The following NDUFA5 variants were observed in gnomAD, a reference collection of about 807,000 sequenced individuals.
The protein encoded by NDUFA5 is NADH:ubiquinone oxidoreductase subunit A5.
A neutral mutation model predicts 19.8 loss-of-function variants in NDUFA5; 11 were observed. The observed-to-expected ratio is 0.56, with a 90% confidence interval of 0.35 to 0.92. The LOEUF is 0.92. NDUFA5 is among the 40% of genes least tolerant of loss of function. NDUFA5 has a pLI of 0.01. For synonymous variants in NDUFA5, 47 were observed against 46.8 expected, an observed-to-expected ratio of 1.00 and a Z score of -0.01; for missense variants, 109 against 134.2, an observed-to-expected ratio of 0.81 and a Z score of 0.93.
At chr7:123,550,378 G>C (rs1222709428) in intron 3 of NDUFA5, 92 bp downstream of exon 3, 2 of 746,434 alleles carry the variant, frequency 2.7e-6, no homozygotes, top group Non-Finnish European at 4.7e-6. Context: ...AAGGAGAATA[G>C]AAGAAAAGTG....
At chr7:123,546,596 G>A (rs1584690477) in intron 3 of NDUFA5, 27 of 1,098,460 alleles carry the variant, frequency 2.5e-5, no homozygotes, top group Non-Finnish European at 3.2e-5. Flanking sequence ...TGTAAATAAG[G>A]CTTTGTCTTT....
At chr7:123,595,159 T>C in the NDUFA5 span, among the ~76,000 whole-genome samples, 1 of 152,212 alleles carries the variant, frequency 6.6e-6, no homozygotes, top group Non-Finnish European at 1.5e-5. Flanking sequence ...ACACTTGCCC[T>C]AAATGACACT....
the NDUFA5 span, among the ~76,000 whole-genome samples, chr7:123,568,445 G>A: frequency 2.0e-5 from 3 of 151,978 alleles, no homozygotes; most frequent in Admixed American, 6.6e-5. Flanking sequence ...GCTTGAACCC[G>A]GGAGGGTGGA....
chr7:123,567,587 A>T, the NDUFA5 span, among the ~76,000 whole-genome samples: 1 of 152,182 alleles, frequency 6.6e-6, no homozygotes, highest in South Asian at 2.1e-4. Context: ...GTTAGCCTGG[A>T]ATCTAGGATT....
rs1225685383 is a variant in NDUFA5, at chr7:123,540,049, A to G, written c.*2070T>C. 6.6e-6 allele frequency: 1 copy of G among 152,192 alleles called. No individual in the cohort carries two copies. Among genetic ancestry groups the G allele is most frequent in the Non-Finnish European group, 1.5e-5 (1 of 68,034 alleles). 9.4% of individuals were successfully genotyped at this position (152,192 alleles called of 1,614,324 possible). ...GTGACCTTGGATTTGTTATTAAATC[A>G]TCTCTTGGTTTCAGTGTCCCCAAGG... is the stretch of plus-strand genomic sequence containing the variant. On this transcript the variant is annotated 3_prime_UTR_variant, in exon 5 of 5. Transcript: ENST00000355749.
At chr7:123,546,624 C>A (rs1798142490) in intron 3 of NDUFA5, 3 of 1,234,074 alleles carry the variant, frequency 2.4e-6, no homozygotes, top group African/African-American at 1.6e-5. Context: ...GTTTTTCTGG[C>A]CAATAAATGG....
In NDUFA5 at chr7:123,557,773, ACCTTCTTCAGCACAC is replaced by A. The variant is rs1798618964; in HGVS notation, c.8_21+1del. Reference sequence around the variant, plus strand: ...TCCAACAGTGACCTCCATTCGTCTCACCTTCTTCAGCACACCCGCCATGACAGCGCCAACGACTCG... The same window carrying A: ...TCCAACAGTGACCTCCATTCGTCTCACCGCCATGACAGCGCCAACGACTCG... On this transcript the variant is annotated splice_donor_variant and coding_sequence_variant, in exon 1 of 5. Transcript: ENST00000355749. LOFTEE classifies it high-confidence loss of function. The A allele has an allele frequency of 6.2e-7, 1 of 1,611,980 alleles. No homozygotes were observed.
chr7:123,601,273 C>T, the NDUFA5 span, among the ~76,000 whole-genome samples: 1 of 152,132 alleles, frequency 6.6e-6, no homozygotes, highest in Non-Finnish European at 1.5e-5. Context: ...ATTTGCTACT[C>T]ATTTTTTTAG....
intron 1 of NDUFA5, 101 bp downstream of exon 1, chr7:123,557,674 G>T: frequency 6.2e-7 from 1 of 1,613,908 alleles, no homozygotes; most frequent in Non-Finnish European, 8.5e-7. Context: ...AAGCACCGCC[G>T]AGCCCGCGAC....
intron 3 of NDUFA5, 31 bp from the exon 4 acceptor site, chr7:123,545,707 A>C: frequency 6.8e-7 from 1 of 1,461,510 alleles, no homozygotes; most frequent in Non-Finnish European, 9.5e-7. Context: ...AAAATTAAAG[A>C]AGCATACTAA....
At chr7:123,548,872 C>A (rs1486114028) in intron 3 of NDUFA5, among the ~76,000 whole-genome samples, 1 of 151,998 alleles carries the variant, frequency 6.6e-6, no homozygotes, top group African/African-American at 2.4e-5. Flanking sequence ...ACAGTTGGCC[C>A]TCAGGATCTG....
upstream of NDUFA5, among the ~76,000 whole-genome samples, chr7:123,560,519 G>A (rs749960033): frequency 6.6e-6 from 1 of 152,216 alleles, no homozygotes; most frequent in East Asian, 1.9e-4. Context: ...AGCTCAGGCT[G>A]CCATAACAAA....
At chr7:123,588,307 A>T in the NDUFA5 span, among the ~76,000 whole-genome samples, 1 of 151,600 alleles carries the variant, frequency 6.6e-6, no homozygotes, top group Non-Finnish European at 1.5e-5. Flanking sequence ...TATACAGTTT[A>T]TTAGTGCTTA....
the NDUFA5 span, among the ~76,000 whole-genome samples, chr7:123,596,020 A>G: frequency 7.5e-3 from 1,140 of 152,320 alleles, 17 homozygotes; most frequent in African/African-American, 0.026. Context: ...GCCATAACTA[A>G]GCCAAATATG....
At chr7:123,550,771 C>T (rs1387177382) in intron 2 of NDUFA5, among the ~76,000 whole-genome samples, 185 bp from the exon 3 acceptor site, 1 of 150,000 alleles carries the variant, frequency 6.7e-6, no homozygotes, top group Non-Finnish European at 1.5e-5. Context: ...CCCTTTATAA[C>T]TTAGGAAAAA....
the NDUFA5 span, among the ~76,000 whole-genome samples, chr7:123,584,433 C>G: frequency 6.6e-6 from 1 of 151,788 alleles, no homozygotes. Flanking sequence ...CCAGGTGATT[C>G]CAATGCAAGT....
chr7:123,545,526 G>A, intron 4 of NDUFA5, 85 bp downstream of exon 4: 1 of 1,074,336 alleles, frequency 9.3e-7, no homozygotes, highest in Non-Finnish European at 1.4e-6. Flanking sequence ...ATATAAACAA[G>A]GAAATTTAGT....
chr7:123,538,316 A>G lies in NDUFA5; in HGVS notation c.*3803T>C, dbSNP rs946571247. ...ATGCTAAGTCACTACATGACTCACTATTTTACTTCACGATCTAGAATACTG... is the reference window on the plus strand; with the variant it reads ...ATGCTAAGTCACTACATGACTCACTGTTTTACTTCACGATCTAGAATACTG... On this transcript the variant is annotated 3_prime_UTR_variant, in exon 5 of 5. Coordinates refer to ENST00000355749, the MANE Select transcript of NDUFA5 (RefSeq NM_005000.5). 3 of 152,106 alleles carry G rather than the reference A, an allele frequency of 2.0e-5. No individual in the cohort carries two copies. Among genetic ancestry groups the G allele is most frequent in the African/African-American group, 7.2e-5 (3 of 41,408 alleles). The allele number at this position is 152,106 out of a possible 1,614,324, so 9.4% of individuals were successfully genotyped here.
chr7:123,598,831 C>T, the NDUFA5 span: 1 of 152,102 alleles, frequency 6.6e-6, no homozygotes, highest in Non-Finnish European at 1.5e-5. Context: ...ACTAAATGAC[C>T]AGAGTAATGT....
Sources: allele counts gnomAD v4.1 joint callset (sites outside exome capture counted in the v4.1 genomes callset), GRCh38; gene constraint gnomAD v4.1.1; transcripts MANE v1.5; gene names NCBI Gene and HGNC (gene_info 2026-07-23, HGNC 2026-07-21).